ATAD2B: variants seen among roughly 807,000 people sequenced by gnomAD.
ATAD2B encodes the protein ATPase family AAA domain containing 2B, also known as ATPase family AAA domain-containing protein 2B.
A neutral mutation model predicts 167.6 loss-of-function variants in ATAD2B; 40 were observed. That is an observed-to-expected ratio of 0.24 (90% CI 0.19 to 0.31). The LOEUF is 0.31. Among genes scored for constraint, ATAD2B ranks in the 10% least tolerant of loss-of-function variants. ATAD2B has a pLI of 1.00. For synonymous variants in ATAD2B, 579 were observed against 596.5 expected (o/e 0.97, Z 0.43); for missense variants, 1,242 against 1,757.2 (o/e 0.71, Z 5.24).
chr2:23,826,477 A>G (rs192512405), intron 15 of ATAD2B, among the ~76,000 whole-genome samples: 7 of 152,318 alleles, frequency 4.6e-5, no homozygotes, highest in Admixed American at 4.6e-4. Flanking sequence ...TCATAACCAT[A>G]CTAAATCTAC....
At chr2:23,867,694 T>G (rs1573130087) in intron 10 of ATAD2B, 141 bp downstream of exon 10, 7 of 599,178 alleles carry the variant, frequency 1.2e-5, no homozygotes. Context: ...GTGGCTAGGG[T>G]TCTTAGGTTT....
At chr2:23,764,559 G>A (rs1427727423) in intron 23 of ATAD2B, among the ~76,000 whole-genome samples, 1 of 152,134 alleles carries the variant, frequency 6.6e-6, no homozygotes, top group Non-Finnish European at 1.5e-5. Flanking sequence ...CTAGGGACTG[G>A]AGCAGAGATA....
chr2:23,745,422 A>AAGGAAGGAAGGAAGGGGAAGGG (rs1491261605), downstream of ATAD2B, among the ~76,000 whole-genome samples: 1 of 85,012 alleles, frequency 1.2e-5, no homozygotes, highest in African/African-American at 5.3e-5. Flanking sequence ...GGAAGGAAGG[A>AAGGAAGGAAGGAAGGGGAAGGG]AAGGGAAGGG....
At chr2:23,783,949 T>C (rs916505196) in intron 21 of ATAD2B, among the ~76,000 whole-genome samples, 2 of 152,016 alleles carry the variant, frequency 1.3e-5, no homozygotes, top group Non-Finnish European at 2.9e-5. Flanking sequence ...CGCACATATA[T>C]GTAATTTATA....
chr2:23,866,941 A>G (rs1319229871), intron 10 of ATAD2B, among the ~76,000 whole-genome samples: 1 of 152,168 alleles, frequency 6.6e-6, no homozygotes, highest in East Asian at 1.9e-4. Context: ...AGAATCTACC[A>G]TGTCCTCCGA....
chr2:23,810,171 C>T, intron 18 of ATAD2B, 145 bp downstream of exon 18: 2 of 679,852 alleles, frequency 2.9e-6, no homozygotes, highest in East Asian at 2.8e-5. Flanking sequence ...TACACTAATA[C>T]TAGAATGCTA....
rs941490142 is a variant in ATAD2B at position 23,828,770 on chromosome 2, T to C, written c.1819+79A>G. The C allele has an allele frequency of 9.0e-6, 8 of 884,302 alleles. No homozygotes were observed. In the African/African-American group the frequency reaches 1.3e-4, roughly 15 times the overall value. The allele number at this position is 884,302 out of a possible 1,614,324, so 54.8% of individuals were successfully genotyped here. On this transcript the variant is annotated intron_variant, in intron 15 of 27. Coordinates refer to ENST00000238789, the MANE Select transcript of ATAD2B (RefSeq NM_017552.4). Reference sequence around the variant, plus strand: ...ACAATCAAAAACATAACTATGCTCATTCACATTCCAAATAAGGGGAAAGGG... The same window carrying C: ...ACAATCAAAAACATAACTATGCTCACTCACATTCCAAATAAGGGGAAAGGG...
intron 17 of ATAD2B, among the ~76,000 whole-genome samples, chr2:23,816,110 T>C (rs1686402286): frequency 1.3e-5 from 2 of 152,300 alleles, no homozygotes; most frequent in Admixed American, 6.5e-5. Flanking sequence ...AGATATTATA[T>C]TCATCTATCT....
chr2:23,820,846 G>C (rs528876568), intron 16 of ATAD2B, among the ~76,000 whole-genome samples: 2 of 152,286 alleles, frequency 1.3e-5, no homozygotes, highest in Non-Finnish European at 2.9e-5. Context: ...CTACTCGGGA[G>C]GCTGAGGCAG....
At chr2:23,908,009 A>T (rs533763617) in intron 1 of ATAD2B, among the ~76,000 whole-genome samples, 1 of 152,050 alleles carries the variant, frequency 6.6e-6, no homozygotes, top group Non-Finnish European at 1.5e-5. Flanking sequence ...TAAAGACTTA[A>T]GCGTTAGACC....
chr2:23,842,083 C>T (rs1691007910), intron 13 of ATAD2B, among the ~76,000 whole-genome samples: 1 of 152,070 alleles, frequency 6.6e-6, no homozygotes, highest in Non-Finnish European at 1.5e-5. Context: ...TGTCTTTTAA[C>T]AAGAACATTT....
intron 18 of ATAD2B, among the ~76,000 whole-genome samples, chr2:23,803,536 T>A (rs569269727): frequency 6.6e-6 from 1 of 152,318 alleles, no homozygotes; most frequent in African/African-American, 2.4e-5. Flanking sequence ...AAATCAGAAA[T>A]TTGTGTAAGT....
chr2:23,868,387 A>G (rs992671202), intron 9 of ATAD2B, among the ~76,000 whole-genome samples: 2 of 152,192 alleles, frequency 1.3e-5, no homozygotes, highest in Non-Finnish European at 2.9e-5. Context: ...TACAGCCTCA[A>G]CCTCCTGGGC....
intron 27 of ATAD2B, among the ~76,000 whole-genome samples, chr2:23,752,820 G>A (rs1675514735): frequency 6.6e-6 from 1 of 152,030 alleles, no homozygotes; most frequent in Non-Finnish European, 1.5e-5. Flanking sequence ...GGTTAAAAAA[G>A]AGCCAGAATG....
chr2:23,759,994 T>C (rs1416145532), intron 24 of ATAD2B, among the ~76,000 whole-genome samples: 3 of 152,218 alleles, frequency 2.0e-5, no homozygotes, highest in African/African-American at 7.2e-5. Context: ...GTACAATAGG[T>C]TCCCTTTTTC....
At chr2:23,886,790 G>A (rs1698725706) in intron 4 of ATAD2B, among the ~76,000 whole-genome samples, 1 of 151,902 alleles carries the variant, frequency 6.6e-6, no homozygotes, top group Admixed American at 6.6e-5. Context: ...AATTAGCCAG[G>A]CATGGTGACG....
At chr2:23,683,849 T>C in the ATAD2B span, among the ~76,000 whole-genome samples, 1 of 152,072 alleles carries the variant, frequency 6.6e-6, no homozygotes. Flanking sequence ...AGGCCTCCCA[T>C]GGCCCCCTCC....
At position 23,926,884 on chromosome 2, in the gene ATAD2B, G is replaced by A; in HGVS notation, c.-114C>T. 3 of 1,291,432 alleles carry A rather than the reference G, an allele frequency of 2.3e-6. No homozygotes were observed. The highest frequency in any genetic ancestry group is 1.6e-5 in the African/African-American group (1 of 63,582). 80.0% of individuals were successfully genotyped at this position (1,291,432 alleles called of 1,614,324 possible). On this transcript the variant is annotated 5_prime_UTR_variant, in exon 1 of 28. Transcript: ENST00000238789. ...CGAGCCGGGCAATGAGAGACGAGCCGGCCCGGAGCGTGCGGAGCGCAGACG... is the reference window on the plus strand; with the variant it reads ...CGAGCCGGGCAATGAGAGACGAGCCAGCCCGGAGCGTGCGGAGCGCAGACG...
chr2:23,859,842 C>A (rs1694063006), intron 12 of ATAD2B, among the ~76,000 whole-genome samples: 1 of 151,366 alleles, frequency 6.6e-6, no homozygotes, highest in African/African-American at 2.4e-5. Context: ...CCCAGCTACT[C>A]GGGAGGCTGA....
Sources: allele counts gnomAD v4.1 joint callset (sites outside exome capture counted in the v4.1 genomes callset), GRCh38; gene constraint gnomAD v4.1.1; transcripts MANE v1.5; gene names NCBI Gene and HGNC (gene_info 2026-07-23, HGNC 2026-07-21).